Variants in PCDHGB1 observed in about 807,000 individuals in gnomAD.
The protein encoded by PCDHGB1 is protocadherin gamma-B1.
PCDHGB1 carries 34 observed loss-of-function variants against 56.6 expected under a neutral mutation model. The observed-to-expected ratio is 0.60, with a 90% CI of 0.46 to 0.80. PCDHGB1 has a LOEUF of 0.80. Ranked by LOEUF, PCDHGB1 falls within the 30% of genes least tolerant of loss-of-function variation. The pLI, the probability that PCDHGB1 is intolerant of heterozygous loss-of-function variation, is 0.00. For synonymous variants in PCDHGB1, 561 were observed against 505.9 expected, an observed-to-expected ratio of 1.11 and a Z score of -1.46; for missense variants, 1,278 against 1,204.6, an observed-to-expected ratio of 1.06 and a Z score of -0.90.
intron 1 of PCDHGB1, chr5:141,403,465 G>C (rs1268345736): frequency 6.2e-7 from 1 of 1,614,018 alleles, no homozygotes; most frequent in Non-Finnish European, 8.5e-7. Context: ...AGAGCTACCA[G>C]CTCAGCCCCA....
chr5:141,494,759 C>A (rs776923097), intron 1 of PCDHGB1, 48 bp from the exon 2 acceptor site: 3 of 1,613,886 alleles, frequency 1.9e-6, no homozygotes, highest in Non-Finnish European at 2.5e-6. Context: ...GGGTGACATT[C>A]TAACTTCTCA....
chr5:141,422,467 G>A (rs1380910490), intron 1 of PCDHGB1: 1 of 1,613,664 alleles, frequency 6.2e-7, no homozygotes, highest in Non-Finnish European at 8.5e-7. Context: ...GCTGGACAGG[G>A]AGTTGGTCCA....
At position 141,490,381 on chromosome 5, in the gene PCDHGB1, A is replaced by T. The variant is rs770046796; in HGVS notation, c.2410-4426A>T. 1 of 1,614,240 alleles carries T rather than the reference A, an allele frequency of 6.2e-7. No homozygotes were observed. The highest frequency in any genetic ancestry group is 1.1e-5 in the South Asian group (1 of 91,090). On this transcript the variant is annotated intron_variant, in intron 1 of 3. Coordinates refer to ENST00000523390, the MANE Select transcript of PCDHGB1 (RefSeq NM_018922.3). This position sits in a 1 kb window ranked among gnomAD's most constrained non-coding sequence, Gnocchi z 5.4. ...TAATGTGCGAGACCGGGACTCAGGT[A>T]GAAATGGTGAAGTGAGCCTTGATAT...
In PCDHGB1 at chr5:141,352,417, T is replaced by A; in HGVS notation, c.2157T>A (p.Thr719=). The A allele has an allele frequency of 2.5e-6, 4 of 1,614,054 alleles. No homozygotes were observed. Among genetic ancestry groups the A allele is most frequent in the Non-Finnish European group, 3.4e-6 (4 of 1,179,904 alleles). The change falls in exon 1 of 4, where the codon ACT becomes ACA. Residue 719 remains threonine (T), a synonymous_variant. Coordinates refer to ENST00000523390, the MANE Select transcript of PCDHGB1 (RefSeq NM_018922.3). ...TGCGACGTTCCTCCAGCCTCGACAC[T>A]GAGGGCTGCTTTCAAACCGGTCTCT... The part of the protein sequence containing the change: ...LRLRRSSSLD[T]EGCFQTGLCS...
chr5:141,494,439 C>T (rs1009257996), intron 1 of PCDHGB1, among the ~76,000 whole-genome samples: 1 of 152,126 alleles, frequency 6.6e-6, no homozygotes, highest in Non-Finnish European at 1.5e-5. Flanking sequence ...CCTCCTTTGC[C>T]ACTTTAGGGG....
intron 1 of PCDHGB1, chr5:141,426,987 G>C (rs867397302): frequency 1.3e-5 from 6 of 456,602 alleles, no homozygotes; most frequent in African/African-American, 1.2e-4. Context: ...TGATGCCAAC[G>C]ATAATGCCCC....
At position 141,357,449 on chromosome 5, in the gene PCDHGB1, T is replaced by C. The variant is rs572307990; in HGVS notation, c.2409+4780T>C. 6.8e-6 allele frequency: 11 copies of C among 1,614,224 alleles called. No homozygotes were observed. The highest frequency in any genetic ancestry group is 6.7e-5 in the East Asian group (3 of 44,880). On this transcript the variant is annotated intron_variant, in intron 1 of 3. Coordinates refer to ENST00000523390, the MANE Select transcript of PCDHGB1 (RefSeq NM_018922.3). ...GGCGTGGACGGGGTTCGGGCTTTCC[T>C]GCAGACCTATTCCCACGAGGTCTCC... is the stretch of plus-strand genomic sequence containing the variant.
intron 1 of PCDHGB1, chr5:141,428,256 T>A: frequency 1.2e-6 from 1 of 863,822 alleles, no homozygotes; most frequent in Non-Finnish European, 1.9e-6. Flanking sequence ...CAGACTTCAG[T>A]GACAGTCCTG....
chr5:141,455,876 TTTA>T (rs1271603055), intron 1 of PCDHGB1, among the ~76,000 whole-genome samples: 2 of 146,624 alleles, frequency 1.4e-5, no homozygotes, highest in Non-Finnish European at 1.5e-5. Context: ...TATTTATTTA[TTTA>T]TTTATTTATT....
rs570982273 is a variant in PCDHGB1, at chr5:141,476,764, G to T, written c.2410-18043G>T. On this transcript the variant is annotated intron_variant, in intron 1 of 3. Coordinates refer to ENST00000523390, the MANE Select transcript of PCDHGB1 (RefSeq NM_018922.3). This position sits in a 1 kb window ranked among gnomAD's most constrained non-coding sequence, Gnocchi z 7.6. ...CTAGTCTCCAGTTAGTGCTGACGGC[G>T]TTGGACGGAGGGACCCCAGCTCTCT... 1.2e-5 allele frequency: 19 copies of T among 1,613,794 alleles called. No individual in the cohort carries two copies. In the East Asian group the frequency reaches 3.8e-4, roughly 32 times the overall value.
rs773899530 is a variant in PCDHGB1 at position 141,494,864 on chromosome 5, G to C, written c.2467G>C (p.Gly823Arg). ...FSQAQRPGTS[G>R]SQNGDDTGTW... ...TCAGGCCCAGAGACCCGGCACCAGCGGGTAGGTGACTGATTCTCCAGCCCA... is the reference window on the plus strand; with the variant it reads ...TCAGGCCCAGAGACCCGGCACCAGCCGGTAGGTGACTGATTCTCCAGCCCA... The change falls in exon 2 of 4, where the codon GGC becomes CGC. Residue 823 changes from glycine (G) to arginine (R), a missense_variant and splice_region_variant. Transcript: ENST00000523390. The C allele has an allele frequency of 1.2e-6, 2 of 1,614,068 alleles. No individual in the cohort carries two copies. Among genetic ancestry groups the C allele is most frequent in the Middle Eastern group, 1.6e-4 (1 of 6,062 alleles).
intron 1 of PCDHGB1, chr5:141,370,472 C>G: frequency 1.2e-6 from 2 of 1,613,450 alleles, no homozygotes; most frequent in Non-Finnish European, 1.7e-6. Context: ...CTTTGTTAGA[C>G]CAGGCTCTCT....
intron 1 of PCDHGB1, chr5:141,384,038 G>T: frequency 6.2e-7 from 1 of 1,613,110 alleles, no homozygotes; most frequent in South Asian, 1.1e-5. Flanking sequence ...GGAAAGAATG[G>T]TGAGGTGACC....
chr5:141,395,086 C>A, intron 1 of PCDHGB1: 1 of 1,614,166 alleles, frequency 6.2e-7, no homozygotes, highest in Non-Finnish European at 8.5e-7. Context: ...CAGGAAGTCT[C>A]CCTCACCGCC....
intron 1 of PCDHGB1, among the ~76,000 whole-genome samples, chr5:141,447,527 A>C (rs1278828003): frequency 6.6e-6 from 1 of 152,224 alleles, no homozygotes; most frequent in East Asian, 1.9e-4. Flanking sequence ...TCATAACAAA[A>C]TTGTTGGGTT....
intron 1 of PCDHGB1, chr5:141,393,608 A>G: frequency 6.2e-7 from 1 of 1,613,986 alleles, no homozygotes; most frequent in Non-Finnish European, 8.5e-7. Context: ...TTACTGTAAC[A>G]GCCAGCGACC....
At chr5:141,360,766 G>A in intron 1 of PCDHGB1, 2 of 1,613,872 alleles carry the variant, frequency 1.2e-6, no homozygotes, top group Non-Finnish European at 1.7e-6. Flanking sequence ...ACATCAATTG[G>A]TCCTCACAGC....
intron 1 of PCDHGB1, chr5:141,370,790 C>A: frequency 6.2e-7 from 1 of 1,614,040 alleles, no homozygotes; most frequent in Non-Finnish European, 8.5e-7. Context: ...ACCCACCGAC[C>A]TTTAGCCAAA....
chr5:141,469,855 G>T (rs1272105046), intron 1 of PCDHGB1, among the ~76,000 whole-genome samples: 4 of 152,186 alleles, frequency 2.6e-5, no homozygotes, highest in Non-Finnish European at 4.4e-5. Flanking sequence ...TTCAGACCGG[G>T]TGCAATGGCT....
Sources: gnomAD v4.1 joint callset for allele counts (sites outside exome capture counted in the v4.1 genomes callset) on GRCh38, gnomAD v4.1.1 for gene constraint, Gnocchi (gnomAD v3.1) non-coding constraint, MANE v1.5 for transcripts, NCBI Gene and HGNC (gene_info 2026-07-23, HGNC 2026-07-21) for gene names.